The following SALL3 variants were observed in gnomAD, a reference collection of about 807,000 sequenced individuals.
The protein encoded by SALL3 is spalt like transcription factor 3, also known as sal-like protein 3.
Under a neutral mutation model 66.2 loss-of-function variants are expected in SALL3, and 25 were observed. The ratio of observed to expected loss-of-function variants is 0.38; its 90% CI spans 0.28 to 0.53. The LOEUF is 0.53. Among genes scored for constraint, SALL3 ranks in the 20% least tolerant of loss-of-function variants. The probability of loss-of-function intolerance (pLI) is 0.85; values close to 1 mark genes in which losing one functional copy is unlikely to be tolerated. For synonymous variants in SALL3, 1,152 were observed against 899.1 expected (o/e 1.28, Z -5.03); for missense variants, 2,194 against 1,916.5 (o/e 1.14, Z -2.70).
chr18:78,980,874 C>T (rs1021620271), intron 1 of SALL3, among the ~76,000 whole-genome samples: 8 of 152,188 alleles, frequency 5.3e-5, no homozygotes, highest in Non-Finnish European at 1.0e-4. Context: ...AGCGCGTTGA[C>T]GCAGCCTGTG....
intron 1 of SALL3, chr18:78,985,026 G>A (rs952013043): frequency 3.9e-5 from 6 of 152,238 alleles, no homozygotes; most frequent in African/African-American, 1.2e-4. Context: ...CTGAAAAGGT[G>A]GGGTTGCAGA....
At position 78,994,112 on chromosome 18, in the gene SALL3, C is replaced by T; in HGVS notation, c.2121C>T (p.Phe707=). 1 of 1,612,980 alleles carries T rather than the reference C, an allele frequency of 6.2e-7. No homozygotes were observed. Residue 707 remains phenylalanine, a synonymous_variant, in exon 2 of 3, where the codon TTC becomes TTT. Coordinates refer to ENST00000537592, the MANE Select transcript of SALL3 (RefSeq NM_171999.4). ...GGACGCACACGGGGGAGCGGCCGTT[C>T]AAGTGCAAGATCTGCGGCCGCGCCT... ...HYRTHTGERP[F]KCKICGRAFT... is the part of the protein sequence containing the mutation.
At position 78,995,470 on chromosome 18, in the gene SALL3, C is replaced by T. The variant is rs1356888775; in HGVS notation, c.3471+8C>T. ...ACTAAGGGCAACCTCAAGGTAAGAGCATGGCAGGCTCCAGCCCCGGCTGCG... is the reference window on the plus strand; with the variant it reads ...ACTAAGGGCAACCTCAAGGTAAGAGTATGGCAGGCTCCAGCCCCGGCTGCG... On this transcript the variant is annotated splice_region_variant and intron_variant, in intron 2 of 2. Coordinates refer to ENST00000537592, the MANE Select transcript of SALL3 (RefSeq NM_171999.4). The T allele has an allele frequency of 1.3e-6, 2 of 1,536,924 alleles. No individual in the cohort carries two copies. Among genetic ancestry groups the T allele is most frequent in the Middle Eastern group, 1.7e-4 (1 of 5,788 alleles).
rs771619312 is a variant in SALL3 at position 78,993,464 on chromosome 18, G to C, written c.1473G>C (p.Val491=). ...PYPVPEYLDN[V]PTCSGIPYGM... is the part of the protein sequence containing the mutation. Reference sequence around the variant, plus strand: ...CGGTCCCCGAGTACCTGGACAACGTGCCCACCTGCTCGGGCATCCCCTACG... The same window carrying C: ...CGGTCCCCGAGTACCTGGACAACGTCCCCACCTGCTCGGGCATCCCCTACG... The change falls in exon 2 of 3, where the codon GTG becomes GTC. Residue 491 remains valine, a synonymous_variant. Coordinates refer to ENST00000537592, the MANE Select transcript of SALL3 (RefSeq NM_171999.4). 2.5e-6 allele frequency: 4 copies of C among 1,612,600 alleles called. No individual in the cohort carries two copies. The South Asian group carries it at 3.3e-5, about 13-fold the overall frequency.
Position 78,998,163 on chromosome 18 carries a change from A to G in SALL3, c.*841A>G, listed in dbSNP as rs1281533911. 6.6e-6 allele frequency: 1 copy of G among 152,560 alleles called. No individual in the cohort carries two copies. The highest frequency in any genetic ancestry group is 1.5e-5 in the Non-Finnish European group (1 of 68,038). The allele number at this position is 152,560 out of a possible 1,614,324, so 9.5% of individuals were successfully genotyped here. A position where few individuals can be genotyped will look rare whatever the true frequency, so the allele number is the denominator to read the frequency against. ...ACAACATTATAAACAGTTGTGAGAA[A>G]ATATTTCACATTATCAAAGCTGTAC... On this transcript the variant is annotated 3_prime_UTR_variant, in exon 3 of 3. Coordinates refer to ENST00000537592, the MANE Select transcript of SALL3 (RefSeq NM_171999.4).
chr18:78,993,977 G>A lies in SALL3; in HGVS notation c.1986G>A (p.Ser662=), dbSNP rs1914579793. 4 of 1,612,014 alleles carry A rather than the reference G, an allele frequency of 2.5e-6. No homozygotes were observed. The highest frequency in any genetic ancestry group is 3.4e-6 in the Non-Finnish European group (4 of 1,179,526). The change falls in exon 2 of 3, where the codon TCG becomes TCA. Residue 662 remains serine (S), a synonymous_variant. Coordinates refer to ENST00000537592, the MANE Select transcript of SALL3 (RefSeq NM_171999.4). ...ACTCGATGCAAACGTCGGAAACCTC[G>A]AAGCTGCAGCAGCTGGTGGAGAACA... ...LLDSMQTSET[S]KLQQLVENID... is the part of the protein sequence containing the mutation.
Position 78,993,391 on chromosome 18 carries a change from TC to T in SALL3, c.1402del (p.Gln468ArgfsTer12). Reference protein sequence around the residue: ...FSTKGNLKVHFQRHKEKYPHI... With the variant: ...FSTKGNLKVHXQRHKEKYPHI... ...ACCAAAGGCAACCTGAAGGTGCACT[TC>T]CAGAGGCACAAGGAGAAGTACCCCC... is the stretch of plus-strand genomic sequence containing the variant. On this transcript the variant is annotated frameshift_variant, in exon 2 of 3. Coordinates refer to ENST00000537592, the MANE Select transcript of SALL3 (RefSeq NM_171999.4). LOFTEE classifies it high-confidence loss of function. 1 of 1,612,444 alleles carries T rather than the reference TC, an allele frequency of 6.2e-7. No homozygotes were observed. Among genetic ancestry groups the T allele is most frequent in the Non-Finnish European group, 8.5e-7 (1 of 1,179,832 alleles).
At chr18:78,991,854 A>ATTTC in intron 1 of SALL3, 1 of 424,386 alleles carries the variant, frequency 2.4e-6, no homozygotes, top group Non-Finnish European at 4.1e-6. Flanking sequence ...TTTCATTAAG[A>ATTTC]AGCAGGATCC....
chr18:78,991,913 T>C (rs1331157525), intron 1 of SALL3, 161 bp from the exon 2 acceptor site: 14 of 508,456 alleles, frequency 2.8e-5, no homozygotes, highest in Non-Finnish European at 4.6e-5. Flanking sequence ...AGAAAATGAT[T>C]AGCTAGCTAG....
rs763229465 is a variant in SALL3 at position 78,994,697 on chromosome 18, G to A, written c.2706G>A (p.Ser902=). ...GSPALSESSS[S]QALSPAPSNG... Reference sequence around the variant, plus strand: ...CCGCCCTGTCCGAGTCCTCGTCCTCGCAGGCCCTGTCGCCGGCCCCCAGCA... The same window carrying A: ...CCGCCCTGTCCGAGTCCTCGTCCTCACAGGCCCTGTCGCCGGCCCCCAGCA... The change falls in exon 2 of 3, where the codon TCG becomes TCA. Residue 902 remains serine (S), a synonymous_variant. Transcript: ENST00000537592. The A allele has an allele frequency of 7.5e-6, 12 of 1,606,588 alleles. No individual in the cohort carries two copies. Among genetic ancestry groups the A allele is most frequent in the South Asian group, 3.3e-5 (3 of 90,994 alleles).
chr18:78,994,499 C>T lies in SALL3; in HGVS notation c.2508C>T (p.Val836=). 9.1e-7 allele frequency: 1 copy of T among 1,102,666 alleles called. No individual in the cohort carries two copies. Among genetic ancestry groups the T allele is most frequent in the African/African-American group, 1.6e-5 (1 of 61,248 alleles). The allele number at this position is 1,102,666 out of a possible 1,614,324, so 68.3% of individuals were successfully genotyped here. A position where few individuals can be genotyped will look rare whatever the true frequency, so the allele number is the denominator to read the frequency against. ...CCTGCCCGCCCTCCCCGCCCTCGGT[C>T]ATCTCCAGCATTGCCGCCCTGGAGA... ...AGSCPPSPPS[V]ISSIAALENQ... is the part of the protein sequence containing the mutation. The change falls in exon 2 of 3, where the codon GTC becomes GTT. Residue 836 remains valine (V), a synonymous_variant. Coordinates refer to ENST00000537592, the MANE Select transcript of SALL3 (RefSeq NM_171999.4).
chr18:78,984,130 A>G (rs1361409102), intron 1 of SALL3, among the ~76,000 whole-genome samples: 1 of 152,216 alleles, frequency 6.6e-6, no homozygotes, highest in Non-Finnish European at 1.5e-5. Context: ...TCTTTTTTGT[A>G]TACAAGATGA....
In SALL3 at chr18:78,993,929, G is replaced by T. The variant is rs1331305615; in HGVS notation, c.1938G>T (p.Gln646His). ...CCGTCTCCGAGCAGTTCAAGGCCCA[G>T]TTTCCGTTCGGGGGGCTGCTAGACT... ...LPAVSEQFKA[Q>H]FPFGGLLDSM... The change falls in exon 2 of 3, where the codon CAG becomes CAT. Residue 646 changes from glutamine to histidine, a missense_variant. Gln to His is a conservative substitution (Grantham distance 24, BLOSUM62 0). Coordinates refer to ENST00000537592, the MANE Select transcript of SALL3 (RefSeq NM_171999.4). 3 of 1,607,214 alleles carry T rather than the reference G, an allele frequency of 1.9e-6. No homozygotes were observed. Among genetic ancestry groups the T allele is most frequent in the South Asian group, 2.2e-5 (2 of 90,236 alleles).
At position 78,980,361 on chromosome 18, in the gene SALL3, G is replaced by A; in HGVS notation, c.82+5G>A. On this transcript the variant is annotated splice_donor_5th_base_variant and intron_variant, in intron 1 of 2. Transcript: ENST00000537592. ...CTGACGGGGCTCCCGAGCACGGTGA[G>A]GGCCGGGGCTGCGGGGTGGCCGGGG... 1 of 1,419,480 alleles carries A rather than the reference G, an allele frequency of 7.0e-7. No individual in the cohort carries two copies. The highest frequency in any genetic ancestry group is 9.3e-7 in the Non-Finnish European group (1 of 1,078,766). 87.9% of individuals were successfully genotyped at this position (1,419,480 alleles called of 1,614,324 possible).
chr18:78,995,436 G>T lies in SALL3; in HGVS notation c.3445G>T (p.Ala1149Ser). The change falls in exon 2 of 3, where the codon GCC becomes TCC. Residue 1149 changes from alanine (A) to serine (S), a missense_variant. Ala to Ser is a moderately conservative substitution (Grantham distance 99, BLOSUM62 1). Coordinates refer to ENST00000537592, the MANE Select transcript of SALL3 (RefSeq NM_171999.4). ...GTTCGGCTGCACCATCTGCGGCCGG[G>T]CCTTCACCACTAAGGGCAACCTCAA... ...KPFGCTICGR[A>S]FTTKGNLKVH... The T allele has an allele frequency of 1.3e-6, 2 of 1,581,136 alleles. No homozygotes were observed. The highest frequency in any genetic ancestry group is 1.7e-6 in the Non-Finnish European group (2 of 1,171,472).
At position 78,992,819 on chromosome 18, in the gene SALL3, G is replaced by T; in HGVS notation, c.828G>T (p.Ala276=). ...CCGGGGCCCCTGCCGCCGCCATCGC[G>T]GGCTCGGGCCCCGCCGCCCCGGCCG... ...LSAGAPAAAI[A]GSGPAAPAAF... The change falls in exon 2 of 3, where the codon GCG becomes GCT. Residue 276 remains alanine (A), a synonymous_variant. Coordinates refer to ENST00000537592, the MANE Select transcript of SALL3 (RefSeq NM_171999.4). 1 of 979,620 alleles carries T rather than the reference G, an allele frequency of 1.0e-6. No homozygotes were observed. Among genetic ancestry groups the T allele is most frequent in the South Asian group, 4.7e-5 (1 of 21,476 alleles). The allele number at this position is 979,620 out of a possible 1,614,324, so 60.7% of individuals were successfully genotyped here.
In SALL3 at chr18:78,992,485, A is replaced by T. The variant is rs1286296734; in HGVS notation, c.494A>T (p.Asn165Ile). The T allele has an allele frequency of 6.8e-7, 1 of 1,463,670 alleles. No homozygotes were observed. The highest frequency in any genetic ancestry group is 1.5e-5 in the African/African-American group (1 of 67,048). The allele number at this position is 1,463,670 out of a possible 1,614,324, so 90.7% of individuals were successfully genotyped here. A position where few individuals can be genotyped will look rare whatever the true frequency, so the allele number is the denominator to read the frequency against. The change falls in exon 2 of 3, where the codon AAC becomes ATC. Residue 165 changes from asparagine to isoleucine, a missense_variant. Transcript: ENST00000537592. ...CCCGCCTACGGCGCGCCCAGCACCA[A>T]CGTGACCCTGGAGGCGCTGCTGAGC... is the stretch of plus-strand genomic sequence containing the variant. Reference protein sequence around the residue: ...PTPAYGAPSTNVTLEALLSTK... With the variant: ...PTPAYGAPSTIVTLEALLSTK...
intron 1 of SALL3, among the ~76,000 whole-genome samples, chr18:78,986,079 T>G (rs1381615418): frequency 2.6e-5 from 4 of 152,226 alleles, no homozygotes; most frequent in African/African-American, 9.6e-5. Context: ...TTGTGCAACC[T>G]TGAAGTGTAA....
intron 1 of SALL3, among the ~76,000 whole-genome samples, chr18:78,981,701 C>G (rs1251415509): frequency 1.3e-5 from 2 of 152,116 alleles, no homozygotes; most frequent in African/African-American, 4.8e-5. Flanking sequence ...AGGCGATATG[C>G]TAAAAAGAAA....
Sources: gnomAD v4.1 joint callset for allele counts (sites outside exome capture counted in the v4.1 genomes callset) on GRCh38, gnomAD v4.1.1 for gene constraint, MANE v1.5 for transcripts, NCBI Gene and HGNC (gene_info 2026-07-23, HGNC 2026-07-21) for gene names.